Variants in ZBTB20 observed in about 807,000 individuals in gnomAD.
The protein encoded by ZBTB20 is zinc finger and BTB domain containing 20, also known as zinc finger and BTB domain-containing protein 20.
In ZBTB20, 9 loss-of-function variants were observed where a neutral mutation model predicts 56.9. The ratio of observed to expected loss-of-function variants is 0.16; its 90% CI spans 0.10 to 0.28. The LOEUF is 0.28. ZBTB20 is among the 10% of genes least tolerant of loss of function. ZBTB20 has a pLI of 1.00. For synonymous variants in ZBTB20, 417 were observed against 420.7 expected, an observed-to-expected ratio of 0.99 and a Z score of 0.11; for missense variants, 655 against 1,003.0, an observed-to-expected ratio of 0.65 and a Z score of 4.69.
chr3:115,133,839 T>C (rs1416035942), intron 1 of ZBTB20, among the ~76,000 whole-genome samples: 4 of 152,236 alleles, frequency 2.6e-5, no homozygotes, highest in African/African-American at 9.6e-5. Context: ...GCCATGAATA[T>C]TTGAGTATAA....
intron 7 of ZBTB20, among the ~76,000 whole-genome samples, chr3:114,466,288 G>C (rs2092549376): frequency 6.6e-6 from 1 of 152,094 alleles, no homozygotes; most frequent in Non-Finnish European, 1.5e-5. Context: ...CCGTTACTTT[G>C]TTCTCATAAC....
chr3:114,927,266 C>T (rs2076193508), intron 3 of ZBTB20, among the ~76,000 whole-genome samples: 1 of 152,206 alleles, frequency 6.6e-6, no homozygotes, highest in African/African-American at 2.4e-5. Context: ...CCTGCTTTTG[C>T]TTCAAGTTGT....
intron 7 of ZBTB20, among the ~76,000 whole-genome samples, chr3:114,425,908 T>A (rs1359867070): frequency 1.3e-5 from 2 of 152,244 alleles, no homozygotes; most frequent in African/African-American, 2.4e-5. Flanking sequence ...AACGTTCACA[T>A]TTTAATATAT....
chr3:114,749,987 T>C (rs1027461378), intron 5 of ZBTB20, among the ~76,000 whole-genome samples: 4 of 152,216 alleles, frequency 2.6e-5, no homozygotes, highest in African/African-American at 7.2e-5. Context: ...CTGGTATCCA[T>C]GCTACAAAAT....
At chr3:114,505,271 A>T (rs2044468744) in intron 6 of ZBTB20, among the ~76,000 whole-genome samples, 1 of 152,190 alleles carries the variant, frequency 6.6e-6, no homozygotes. Flanking sequence ...TGGGTGATAA[A>T]GAGTGAGACA....
chr3:114,499,877 C>T (rs2109644905), intron 7 of ZBTB20, among the ~76,000 whole-genome samples: 1 of 152,162 alleles, frequency 6.6e-6, no homozygotes, highest in African/African-American at 2.4e-5. Context: ...ATTTATTTTA[C>T]AGTCTTGTAC....
At chr3:115,146,617 G>A (rs1389097638) in intron 1 of ZBTB20, among the ~76,000 whole-genome samples, 4 of 152,304 alleles carry the variant, frequency 2.6e-5, no homozygotes, top group African/African-American at 9.6e-5. Flanking sequence ...CGGGGGCCGG[G>A]AGCTCCGGCG....
At chr3:115,122,021 G>A (rs900939471) in intron 1 of ZBTB20, among the ~76,000 whole-genome samples, 4 of 152,090 alleles carry the variant, frequency 2.6e-5, no homozygotes, top group South Asian at 2.1e-4. Flanking sequence ...TCTGGACCTC[G>A]AAGGATTCTT....
intron 5 of ZBTB20, among the ~76,000 whole-genome samples, chr3:114,779,857 A>G (rs2069937405): frequency 6.6e-6 from 1 of 152,194 alleles, no homozygotes; most frequent in African/African-American, 2.4e-5. Context: ...TCAAAATCCC[A>G]GGTTATCAGT....
chr3:115,019,908 A>C (rs973676885), intron 2 of ZBTB20, among the ~76,000 whole-genome samples: 1 of 151,294 alleles, frequency 6.6e-6, no homozygotes, highest in East Asian at 1.9e-4. Flanking sequence ...AAAGTTAGAA[A>C]TAATTAGAGA....
At chr3:114,673,716 C>T (rs1348098269) in intron 6 of ZBTB20, among the ~76,000 whole-genome samples, 2 of 152,272 alleles carry the variant, frequency 1.3e-5, no homozygotes, top group South Asian at 2.1e-4. Flanking sequence ...AGGTTTTGTA[C>T]ACTTTGGTCT....
intron 1 of ZBTB20, among the ~76,000 whole-genome samples, chr3:115,089,730 C>A (rs1006316639): frequency 2.0e-5 from 3 of 151,704 alleles, no homozygotes; most frequent in African/African-American, 7.3e-5. Flanking sequence ...AAAACATAGG[C>A]AGAAAACCAG....
At chr3:114,724,551 TG>T (rs1298913753) in intron 5 of ZBTB20, among the ~76,000 whole-genome samples, 2 of 152,228 alleles carry the variant, frequency 1.3e-5, no homozygotes, top group African/African-American at 2.4e-5. Flanking sequence ...AACTACTAGT[TG>T]GGTGGCCTAG....
At chr3:114,649,522 A>AT (rs2060017068) in intron 6 of ZBTB20, among the ~76,000 whole-genome samples, 1 of 151,840 alleles carries the variant, frequency 6.6e-6, no homozygotes, top group Non-Finnish European at 1.5e-5. Flanking sequence ...TTTGTGACTC[A>AT]TGGGTGTACT....
At position 114,380,364 on chromosome 3, in the gene ZBTB20, C is replaced by T. The variant is rs941801583; in HGVS notation, c.52G>A (p.Glu18Lys). 6.5e-7 allele frequency: 1 copy of T among 1,536,558 alleles called. No homozygotes were observed. Among genetic ancestry groups the T allele is most frequent in the Non-Finnish European group, 8.7e-7 (1 of 1,146,610 alleles). Residue 18 changes from glutamate (E) to lysine (K), a missense_variant, in exon 10 of 12, where the codon GAG (glutamate) becomes AAG (lysine). Physicochemically the swap from Glu to Lys is moderately conservative, Grantham distance 56. Around this residue, in one of 10 missense-constraint regions of ZBTB20, gnomAD observed 79 missense variants for 78.4 expected, o/e 1.01. Transcript: ENST00000675478. ...CCACCCGGCTGAGTAATCTCATTCTCCTCAGATGCCTTCTGGTTTTCAGCT... is the reference window on the plus strand; with the variant it reads ...CCACCCGGCTGAGTAATCTCATTCTTCTCAGATGCCTTCTGGTTTTCAGCT... ...KTAENQKASEENEITQPGGSS... is the reference protein window; with the variant it reads ...KTAENQKASEKNEITQPGGSS...
At chr3:115,139,400 T>C (rs1435718299) in intron 1 of ZBTB20, among the ~76,000 whole-genome samples, 1 of 152,098 alleles carries the variant, frequency 6.6e-6, no homozygotes, top group African/African-American at 2.4e-5. Context: ...TATATAGAAA[T>C]TGTATATAGT....
intron 6 of ZBTB20, among the ~76,000 whole-genome samples, chr3:114,622,729 A>C (rs1169092872): frequency 2.0e-5 from 3 of 152,248 alleles, no homozygotes; most frequent in South Asian, 2.1e-4. Flanking sequence ...ACAAGAGTAC[A>C]TGCAACAGGC....
At chr3:114,804,066 C>G (rs1405782942) in intron 4 of ZBTB20, among the ~76,000 whole-genome samples, 1 of 151,860 alleles carries the variant, frequency 6.6e-6, no homozygotes, top group Non-Finnish European at 1.5e-5. Flanking sequence ...ATACAAAATC[C>G]GGAAGAATGC....
chr3:114,360,292 C>T (rs2081683896), intron 10 of ZBTB20, among the ~76,000 whole-genome samples: 1 of 151,332 alleles, frequency 6.6e-6, no homozygotes, highest in Non-Finnish European at 1.5e-5. Context: ...AATGAGACCG[C>T]TGTTTTTCAA....
Sources: allele counts gnomAD v4.1 joint callset (sites outside exome capture counted in the v4.1 genomes callset), GRCh38; gene constraint gnomAD v4.1.1; regional missense constraint gnomAD v4.1.1; transcripts MANE v1.5; gene names NCBI Gene and HGNC (gene_info 2026-07-23, HGNC 2026-07-21).